The following MPHOSPH10 variants were observed in gnomAD, a reference collection of about 807,000 sequenced individuals.
MPHOSPH10 encodes M-phase phosphoprotein 10.
Under a neutral mutation model 77.3 loss-of-function variants are expected in MPHOSPH10, and 33 were observed. The ratio of observed to expected loss-of-function variants is 0.43; its 90% CI spans 0.32 to 0.57. The LOEUF is 0.57. Among genes scored for constraint, MPHOSPH10 ranks in the 20% least tolerant of loss-of-function variants. MPHOSPH10 has a pLI of 0.07. For missense variants in MPHOSPH10, 708 were observed against 780.1 expected, an observed-to-expected ratio of 0.91 and a Z score of 1.10; for synonymous variants, 245 against 268.0, an observed-to-expected ratio of 0.91 and a Z score of 0.84.
chr2:71,139,591 C>T (rs2103671037), intron 5 of MPHOSPH10, among the ~76,000 whole-genome samples: 1 of 152,284 alleles, frequency 6.6e-6, no homozygotes, highest in Non-Finnish European at 1.5e-5. Context: ...GGTTTTCAAA[C>T]TTCAGGGAGC....
At chr2:71,134,603 T>A in intron 3 of MPHOSPH10, 23 bp from the exon 4 acceptor site, 1 of 1,565,944 alleles carries the variant, frequency 6.4e-7, no homozygotes, top group Middle Eastern at 1.7e-4. Flanking sequence ...ATATTTCTTT[T>A]TATAAGAGTT....
At chr2:71,134,929 G>A (rs897033877) in intron 4 of MPHOSPH10, 132 bp downstream of exon 4, 2 of 698,250 alleles carry the variant, frequency 2.9e-6, no homozygotes, top group East Asian at 2.8e-5. Context: ...CACTTTGGTA[G>A]TCCAAAGCAA....
At chr2:71,141,193 G>C in intron 6 of MPHOSPH10, 39 bp from the exon 7 acceptor site, 1 of 1,300,206 alleles carries the variant, frequency 7.7e-7, no homozygotes, top group Non-Finnish European at 9.9e-7. Context: ...GAAATAAATT[G>C]TAGGTTTTGT....
At chr2:71,142,414 C>T (rs1196316756) in intron 7 of MPHOSPH10, among the ~76,000 whole-genome samples, 1 of 152,172 alleles carries the variant, frequency 6.6e-6, no homozygotes, top group South Asian at 2.1e-4. Flanking sequence ...TTGATGACCA[C>T]GAGAATTAAA....
At chr2:71,131,399 T>C (rs1398336060) in intron 1 of MPHOSPH10, among the ~76,000 whole-genome samples, 1 of 152,220 alleles carries the variant, frequency 6.6e-6, no homozygotes, top group Non-Finnish European at 1.5e-5. Flanking sequence ...GCATCTCAAA[T>C]TCACTGCGTC....
At position 71,146,578 on chromosome 2, in the gene MPHOSPH10, T is replaced by C. The variant is rs866094818; in HGVS notation, c.1558-1421T>C. 5.9e-5 allele frequency among the ~76,000 whole-genome samples: 9 copies of C among 152,276 alleles called. No homozygotes were observed. In the Middle Eastern group the frequency reaches 0.01, roughly 174 times the overall value. ...GTCTCAAACTCCTGACCTCAAATGA[T>C]CTGCCCACCTTGGCCTCCCAAAGTG... On this transcript the variant is annotated intron_variant, in intron 8 of 10. Transcript: ENST00000244230.
intron 8 of MPHOSPH10, among the ~76,000 whole-genome samples, chr2:71,145,962 C>T (rs1021163961): frequency 2.0e-5 from 3 of 152,238 alleles, no homozygotes; most frequent in African/African-American, 7.2e-5. Context: ...TCCCACCTTG[C>T]TGCATGTCTC....
At chr2:71,144,591 T>TAGTCTCACAAAGGATCAAAGCTA in intron 8 of MPHOSPH10, 53 bp downstream of exon 8, 2 of 1,311,440 alleles carry the variant, frequency 1.5e-6, no homozygotes, top group Non-Finnish European at 2.2e-6. Context: ...CCTTCATAGC[T>TAGTCTCACAAAGGATCAAAGCTA]TTGATCCTTT....
chr2:71,147,720 T>A, intron 8 of MPHOSPH10, among the ~76,000 whole-genome samples: 1 of 151,948 alleles, frequency 6.6e-6, no homozygotes. Flanking sequence ...GGAATGGTTT[T>A]GAGACAGAAA....
At chr2:71,148,790 AT>A (rs770682351) in intron 9 of MPHOSPH10, 150 of 187,848 alleles carry the variant, frequency 8.0e-4, no homozygotes, top group Non-Finnish European at 1.1e-3. Flanking sequence ...CACTAGAGAG[AT>A]GTTTCCCTTC....
intron 1 of MPHOSPH10, among the ~76,000 whole-genome samples, chr2:71,132,373 T>G (rs1673405522): frequency 6.6e-6 from 1 of 152,198 alleles, no homozygotes; most frequent in East Asian, 1.9e-4. Context: ...CTCTGCCTCC[T>G]TCACACTCTA....
rs1345717343 is a variant in MPHOSPH10, at chr2:71,144,472, G to A, written c.1491G>A (p.Gln497=). Residue 497 remains glutamine (Q), a synonymous_variant, in exon 8 of 11, where the codon CAG becomes CAA. Coordinates refer to ENST00000244230, the MANE Select transcript of MPHOSPH10 (RefSeq NM_005791.3). The part of the protein sequence containing the change: ...EEENPEHVEI[Q]KMMDSLFLKL... ...AAAATCCAGAACATGTAGAAATTCAGAAGATGATGGATTCCCTCTTCTTAA... is the reference window on the plus strand; with the variant it reads ...AAAATCCAGAACATGTAGAAATTCAAAAGATGATGGATTCCCTCTTCTTAA... 6.2e-7 allele frequency: 1 copy of A among 1,613,946 alleles called. No homozygotes were observed. Among genetic ancestry groups the A allele is most frequent in the Non-Finnish European group, 8.5e-7 (1 of 1,179,982 alleles).
chr2:71,148,140 T>C (rs757160120), intron 9 of MPHOSPH10, 34 bp downstream of exon 9: 1 of 1,556,570 alleles, frequency 6.4e-7, no homozygotes, highest in Non-Finnish European at 8.9e-7. Flanking sequence ...TAAATGTCTG[T>C]TACAAGTTAG....
At chr2:71,135,949 C>T (rs1276093043) in intron 4 of MPHOSPH10, among the ~76,000 whole-genome samples, 1 of 152,128 alleles carries the variant, frequency 6.6e-6, no homozygotes, top group East Asian at 1.9e-4. Context: ...AGGTGATCCA[C>T]CCACCTTGGC....
intron 1 of MPHOSPH10, 134 bp from the exon 2 acceptor site, chr2:71,132,764 T>C: frequency 8.4e-7 from 1 of 1,194,894 alleles, no homozygotes; most frequent in Non-Finnish European, 1.1e-6. Flanking sequence ...TTATATGTTG[T>C]TGGGGGCCAG....
In MPHOSPH10 at chr2:71,146,684, A is replaced by C. The variant is rs781605867; in HGVS notation, c.1558-1315A>C. On this transcript the variant is annotated intron_variant, in intron 8 of 10. Transcript: ENST00000244230. ...CTTCTTTTTCTCCATATTTCTCTTT[A>C]AACACTAGAATGGAACACAGTGTTT... Among the ~76,000 whole-genome samples, 261 of 152,104 alleles carry C rather than the reference A, an allele frequency of 1.7e-3. 1 individual carries two copies. The highest frequency in any genetic ancestry group is 3.2e-3 in the Non-Finnish European group (220 of 68,016).
chr2:71,146,353 T>G (rs919009845), intron 8 of MPHOSPH10, among the ~76,000 whole-genome samples: 144 of 147,382 alleles, frequency 9.8e-4, no homozygotes, highest in African/African-American at 3.6e-3. Flanking sequence ...TTTTTTTTTT[T>G]GAGACAGAAT....
At chr2:71,149,124 G>A in intron 9 of MPHOSPH10, 99 bp from the exon 10 acceptor site, 1 of 1,092,878 alleles carries the variant, frequency 9.2e-7, no homozygotes, top group Non-Finnish European at 1.3e-6. Context: ...GGCCACAGAT[G>A]CACAGCCTGC....
In MPHOSPH10 at chr2:71,133,560, G is replaced by A. The variant is rs1673430209; in HGVS notation, c.752G>A (p.Gly251Glu). 1.2e-5 allele frequency: 19 copies of A among 1,581,368 alleles called. No homozygotes were observed. The highest frequency in any genetic ancestry group is 1.5e-5 in the Non-Finnish European group (18 of 1,167,704). ...GATGAAGATGAAGGGGGACTGTTTGGAAGTAAAAAACTTAAGGTAAAGTTT... is the reference window on the plus strand; with the variant it reads ...GATGAAGATGAAGGGGGACTGTTTGAAAGTAAAAAACTTAAGGTAAAGTTT... ...DSDEDEGGLFGSKKLKSGKSS... is the reference protein window; with the variant it reads ...DSDEDEGGLFESKKLKSGKSS... The change falls in exon 2 of 11, where the codon GGA becomes GAA. Residue 251 changes from glycine (G) to glutamate (E), a missense_variant. Gly to Glu is a moderately conservative substitution (Grantham distance 98). Around this residue, in one of 3 missense-constraint regions of MPHOSPH10, gnomAD observed 433 missense variants for 432.6 expected, o/e 1.00. Coordinates refer to ENST00000244230, the MANE Select transcript of MPHOSPH10 (RefSeq NM_005791.3).
Sources: gnomAD v4.1 joint callset for allele counts (sites outside exome capture counted in the v4.1 genomes callset) on GRCh38, gnomAD v4.1.1 for gene constraint, gnomAD v4.1.1 regional missense constraint, MANE v1.5 for transcripts, NCBI Gene and HGNC (gene_info 2026-07-23, HGNC 2026-07-21) for gene names.